The following SPOCK1 variants were observed in gnomAD, a reference collection of about 807,000 sequenced individuals.
SPOCK1 encodes the protein SPARC (osteonectin), cwcv and kazal like domains proteoglycan 1.
In SPOCK1, 23 loss-of-function variants were observed where a neutral mutation model predicts 55.3. The observed-to-expected ratio is 0.42, with a 90% CI of 0.30 to 0.59. SPOCK1 has a LOEUF of 0.59. Among genes scored for constraint, SPOCK1 ranks in the 20% least tolerant of loss-of-function variants. The pLI is 0.22. For missense variants in SPOCK1, 499 were observed against 552.5 expected, an observed-to-expected ratio of 0.90 and a Z score of 0.97; for synonymous variants, 226 against 221.0, an observed-to-expected ratio of 1.02 and a Z score of -0.20.
intron 4 of SPOCK1, among the ~76,000 whole-genome samples, chr5:137,113,963 A>G (rs933281408): frequency 6.6e-6 from 1 of 152,202 alleles, no homozygotes; most frequent in Admixed American, 6.5e-5. Context: ...AGAAAGAAAG[A>G]TGCATAAAGC....
chr5:137,112,280 C>T (rs979818649), intron 5 of SPOCK1, among the ~76,000 whole-genome samples, 155 bp downstream of exon 5: 1 of 152,198 alleles, frequency 6.6e-6, no homozygotes, highest in Admixed American at 6.5e-5. Flanking sequence ...GTCTCCATGG[C>T]CAGAGAACAT....
chr5:137,177,463 T>C (rs575696910), intron 3 of SPOCK1, among the ~76,000 whole-genome samples: 1 of 151,176 alleles, frequency 6.6e-6, no homozygotes, highest in East Asian at 2.0e-4. Context: ...ACAGAGAAAG[T>C]GAGGGCAAGG....
At chr5:137,424,518 T>C (rs938853384) in intron 2 of SPOCK1, among the ~76,000 whole-genome samples, 1 of 152,224 alleles carries the variant, frequency 6.6e-6, no homozygotes. Context: ...AAAGCATTCA[T>C]TGCCATGAAT....
intron 2 of SPOCK1, among the ~76,000 whole-genome samples, chr5:137,389,872 T>C (rs973755466): frequency 1.3e-5 from 2 of 152,198 alleles, no homozygotes; most frequent in Non-Finnish European, 2.9e-5. Flanking sequence ...CCTAGGCTAC[T>C]AACAATATTA....
intron 4 of SPOCK1, among the ~76,000 whole-genome samples, chr5:137,127,663 G>C (rs541601795): frequency 2.2e-4 from 34 of 152,330 alleles, no homozygotes; most frequent in Middle Eastern, 3.4e-3. Flanking sequence ...ACTTACTTGG[G>C]GCCTGTTATC....
chr5:137,356,000 A>G (rs1334714083), intron 2 of SPOCK1, among the ~76,000 whole-genome samples: 1 of 152,202 alleles, frequency 6.6e-6, no homozygotes, highest in African/African-American at 2.4e-5. Context: ...TCCAGCCGTC[A>G]CTTCCACTAC....
intron 1 of SPOCK1, among the ~76,000 whole-genome samples, chr5:137,498,764 C>A (rs1364297557): frequency 6.6e-6 from 1 of 152,176 alleles, no homozygotes; most frequent in African/African-American, 2.4e-5. Context: ...GAGGAGGCTG[C>A]GTCACGAATC....
intron 5 of SPOCK1, among the ~76,000 whole-genome samples, chr5:137,111,945 CCAGAA>C (rs1289685704): frequency 1.3e-5 from 2 of 152,116 alleles, no homozygotes; most frequent in African/African-American, 4.8e-5. Flanking sequence ...TGAGGCACCC[CCAGAA>C]AAGAACAGTG....
At chr5:137,461,566 G>A (rs1753490285) in intron 2 of SPOCK1, among the ~76,000 whole-genome samples, 1 of 152,182 alleles carries the variant, frequency 6.6e-6, no homozygotes, top group Non-Finnish European at 1.5e-5. Flanking sequence ...AAGATCACTG[G>A]CATTCCACTG....
intron 3 of SPOCK1, among the ~76,000 whole-genome samples, chr5:137,176,921 TG>T (rs1449678185): frequency 1.4e-4 from 21 of 152,176 alleles, no homozygotes; most frequent in Admixed American, 1.4e-3. Context: ...AGAAGGGCAG[TG>T]ACTAGGTCTG....
At chr5:137,309,866 A>G (rs1354887394) in intron 2 of SPOCK1, among the ~76,000 whole-genome samples, 2 of 151,984 alleles carry the variant, frequency 1.3e-5, no homozygotes, top group Admixed American at 6.6e-5. Context: ...CATTCAATTT[A>G]TAGTTTCTAC....
intron 2 of SPOCK1, among the ~76,000 whole-genome samples, chr5:137,331,043 A>G (rs1472025801): frequency 6.6e-6 from 1 of 152,180 alleles, no homozygotes; most frequent in Non-Finnish European, 1.5e-5. Context: ...TAGGATTCAA[A>G]TTCCTAGCCT....
intron 2 of SPOCK1, among the ~76,000 whole-genome samples, chr5:137,435,313 T>C (rs1752837602): frequency 6.6e-6 from 1 of 152,234 alleles, no homozygotes; most frequent in Admixed American, 6.5e-5. Context: ...CATTGACTCG[T>C]TAAAGTTCTA....
chr5:137,075,516 T>C (rs962582008), intron 5 of SPOCK1, among the ~76,000 whole-genome samples: 5 of 152,266 alleles, frequency 3.3e-5, no homozygotes, highest in African/African-American at 4.8e-5. Context: ...ATTCTCTTGA[T>C]TGATATCAGC....
chr5:137,184,164 A>C (rs1407398118), intron 3 of SPOCK1, among the ~76,000 whole-genome samples: 1 of 152,152 alleles, frequency 6.6e-6, no homozygotes, highest in African/African-American at 2.4e-5. Context: ...TGACCATGTA[A>C]AGTAGGCTTT....
At chr5:137,099,432 A>C (rs1279003575) in intron 5 of SPOCK1, among the ~76,000 whole-genome samples, 1 of 152,076 alleles carries the variant, frequency 6.6e-6, no homozygotes, top group Admixed American at 6.5e-5. Flanking sequence ...TTTTGTGTAA[A>C]ACCTTTGCCC....
rs1252306339 is a variant in SPOCK1, at chr5:136,978,461, C to T, written c.*193G>A. The T allele has an allele frequency of 4.3e-6, 2 of 465,790 alleles. No homozygotes were observed. Among genetic ancestry groups the T allele is most frequent in the Non-Finnish European group, 7.2e-6 (2 of 276,632 alleles). The allele number at this position is 465,790 out of a possible 1,614,324, so 28.9% of individuals were successfully genotyped here. ...ACAACAACAAAAAAAAAACACAACA[C>T]CCTTTCTCCCATACAAACATATGCA... is the stretch of plus-strand genomic sequence containing the variant. On this transcript the variant is annotated 3_prime_UTR_variant, in exon 11 of 11. Transcript: ENST00000394945.
At chr5:137,226,982 T>C (rs17171110) in intron 3 of SPOCK1, among the ~76,000 whole-genome samples, 1,989 of 152,360 alleles carry the variant, frequency 0.013, 51 homozygotes, top group African/African-American at 0.044. Flanking sequence ...TAGCTAGCTC[T>C]GACAACTCCC....
intron 2 of SPOCK1, among the ~76,000 whole-genome samples, chr5:137,475,150 A>G (rs982593557): frequency 6.6e-6 from 1 of 152,172 alleles, no homozygotes; most frequent in Non-Finnish European, 1.5e-5. Flanking sequence ...TATAATACAG[A>G]CCATCACTGC....
Sources: allele counts gnomAD v4.1 joint callset (sites outside exome capture counted in the v4.1 genomes callset), GRCh38; gene constraint gnomAD v4.1.1; transcripts MANE v1.5; gene names NCBI Gene and HGNC (gene_info 2026-07-23, HGNC 2026-07-21).